LRRC1: variants seen among roughly 807,000 people sequenced by gnomAD.
LRRC1 encodes leucine rich repeat containing 1, also known as leucine-rich repeat-containing protein 1.
A neutral mutation model predicts 69.9 loss-of-function variants in LRRC1; 28 were observed. That is an observed-to-expected ratio of 0.40 (90% CI 0.30 to 0.55). The LOEUF (loss-of-function observed/expected upper bound fraction) is 0.55. Ranked by LOEUF, LRRC1 falls within the 20% of genes least tolerant of loss-of-function variation. The probability of loss-of-function intolerance (pLI) is 0.47; values close to 1 mark genes in which losing one functional copy is unlikely to be tolerated. For missense variants in LRRC1, 498 were observed against 609.0 expected (o/e 0.82, Z 1.92); for synonymous variants, 236 against 240.2 (o/e 0.98, Z 0.16).
At chr6:53,816,124 CCA>C (rs1435637439) in intron 1 of LRRC1, among the ~76,000 whole-genome samples, 1 of 152,158 alleles carries the variant, frequency 6.6e-6, no homozygotes, top group Non-Finnish European at 1.5e-5. Context: ...TAATGTAATT[CCA>C]GTTTCAGAGG....
At chr6:53,841,890 A>G (rs1292777809) in intron 1 of LRRC1, among the ~76,000 whole-genome samples, 1 of 152,178 alleles carries the variant, frequency 6.6e-6, no homozygotes, top group African/African-American at 2.4e-5. Flanking sequence ...ATAATTGTAG[A>G]TTGATAGGAA....
At chr6:53,798,595 G>C in intron 1 of LRRC1, among the ~76,000 whole-genome samples, 1 of 152,102 alleles carries the variant, frequency 6.6e-6, no homozygotes, top group African/African-American at 2.4e-5. Flanking sequence ...TAGCCAGGAT[G>C]GTCTCGATCT....
intron 1 of LRRC1, among the ~76,000 whole-genome samples, chr6:53,799,361 A>G (rs1352644440): frequency 1.3e-5 from 2 of 152,190 alleles, no homozygotes; most frequent in Non-Finnish European, 2.9e-5. Flanking sequence ...AGAGGTCTTC[A>G]CGGCTGGACC....
At chr6:53,826,692 TC>T (rs1389981233) in intron 1 of LRRC1, among the ~76,000 whole-genome samples, 1 of 152,058 alleles carries the variant, frequency 6.6e-6, no homozygotes, top group African/African-American at 2.4e-5. Flanking sequence ...TTTCATTAGG[TC>T]CCCCTCCATG....
intron 1 of LRRC1, among the ~76,000 whole-genome samples, chr6:53,796,653 G>C (rs973297632): frequency 1.3e-5 from 2 of 152,112 alleles, no homozygotes; most frequent in Non-Finnish European, 2.9e-5. Flanking sequence ...TGTTCTTCTT[G>C]GATTAACTTT....
chr6:53,862,485 T>C (rs543803858), intron 2 of LRRC1, among the ~76,000 whole-genome samples: 12 of 152,266 alleles, frequency 7.9e-5, no homozygotes, highest in African/African-American at 2.9e-4. Context: ...CCCCAGGACA[T>C]GTTTGTGTTT....
At chr6:53,831,408 C>T (rs558984423) in intron 1 of LRRC1, among the ~76,000 whole-genome samples, 47 of 152,266 alleles carry the variant, frequency 3.1e-4, no homozygotes, top group African/African-American at 6.0e-4. Context: ...CATACCCTCC[C>T]GCCCCTTTTG....
chr6:53,821,008 A>T (rs1397606893), intron 1 of LRRC1, among the ~76,000 whole-genome samples: 2 of 152,210 alleles, frequency 1.3e-5, no homozygotes, highest in South Asian at 2.1e-4. Flanking sequence ...CAGGTACCAC[A>T]GCTTGTTCTC....
At chr6:53,861,463 C>T (rs1294313757) in intron 2 of LRRC1, among the ~76,000 whole-genome samples, 1 of 150,088 alleles carries the variant, frequency 6.7e-6, no homozygotes, top group Non-Finnish European at 1.5e-5. Context: ...AGTGTAAATT[C>T]CTTCTCGTCA....
At chr6:53,911,571 C>T (rs1768410310) in intron 10 of LRRC1, among the ~76,000 whole-genome samples, 1 of 152,168 alleles carries the variant, frequency 6.6e-6, no homozygotes, top group South Asian at 2.1e-4. Flanking sequence ...ACACATAAAT[C>T]CTGTCTCTTC....
Position 53,916,101 on chromosome 6 carries a change from C to T in LRRC1, c.1106+2132C>T, listed in dbSNP as rs576995427. Among the ~76,000 whole-genome samples the T allele has an allele frequency of 2.9e-4, 44 of 152,262 alleles. No homozygotes were observed. The South Asian group carries it at 6.0e-3, about 21-fold the overall frequency. ...TGTCACTTGGAAACTAAGTATTAAA[C>T]CTTCTGTGACAGTAAAGAAAATGTC... On this transcript the variant is annotated intron_variant, in intron 11 of 13. Coordinates refer to ENST00000370888, the MANE Select transcript of LRRC1 (RefSeq NM_018214.5).
At chr6:53,915,270 T>C (rs2127442012) in intron 11 of LRRC1, among the ~76,000 whole-genome samples, 1 of 152,316 alleles carries the variant, frequency 6.6e-6, no homozygotes, top group African/African-American at 2.4e-5. Flanking sequence ...TAATGGATTA[T>C]AGACAGCAGG....
At chr6:53,854,057 A>T (rs568842672) in intron 2 of LRRC1, among the ~76,000 whole-genome samples, 1 of 152,208 alleles carries the variant, frequency 6.6e-6, no homozygotes, top group African/African-American at 2.4e-5. Context: ...GCACATTTCC[A>T]TAGTCATATC....
intron 1 of LRRC1, among the ~76,000 whole-genome samples, chr6:53,819,919 GA>G (rs2127408518): frequency 6.6e-6 from 1 of 152,226 alleles, no homozygotes; most frequent in South Asian, 2.1e-4. Context: ...GATTCATATT[GA>G]GTTTATAGTT....
In LRRC1 at chr6:53,804,693, A is replaced by G. The variant is rs969118936; in HGVS notation, c.159+9278A>G. Among the ~76,000 whole-genome samples, 11 of 152,336 alleles carry G rather than the reference A, an allele frequency of 7.2e-5. No homozygotes were observed. In the East Asian group the frequency reaches 2.1e-3, roughly 29 times the overall value. ...TAGTTTCTAATTCTTTGCAATGATG[A>G]GCCATGCTGAATTAAAAGTTCTTGT... On this transcript the variant is annotated intron_variant, in intron 1 of 13. Coordinates refer to ENST00000370888, the MANE Select transcript of LRRC1 (RefSeq NM_018214.5).
chr6:53,853,472 A>G (rs1050281775), intron 2 of LRRC1, among the ~76,000 whole-genome samples: 2 of 151,952 alleles, frequency 1.3e-5, no homozygotes, highest in Admixed American at 1.3e-4. Context: ...TTTAGTAGAG[A>G]CGGGGTTTCA....
chr6:53,813,792 A>G (rs900649900), intron 1 of LRRC1, among the ~76,000 whole-genome samples: 1 of 152,076 alleles, frequency 6.6e-6, no homozygotes, highest in African/African-American at 2.4e-5. Context: ...TGGATTCTAT[A>G]GTCTTGAAAC....
chr6:53,840,898 G>T (rs1032033513), intron 1 of LRRC1, among the ~76,000 whole-genome samples: 2 of 133,776 alleles, frequency 1.5e-5, no homozygotes, highest in Admixed American at 8.4e-5. Flanking sequence ...GTGTGTGTGT[G>T]TGTGTGTGTG....
intron 10 of LRRC1, among the ~76,000 whole-genome samples, chr6:53,910,607 T>A (rs1448728353): frequency 6.6e-6 from 1 of 152,086 alleles, no homozygotes; most frequent in Non-Finnish European, 1.5e-5. Context: ...AGGTTTTTAT[T>A]TCCTGGAAAA....
Sources: allele counts gnomAD v4.1 joint callset (sites outside exome capture counted in the v4.1 genomes callset), GRCh38; gene constraint gnomAD v4.1.1; transcripts MANE v1.5; gene names NCBI Gene and HGNC (gene_info 2026-07-23, HGNC 2026-07-21).